BDNF: variants seen among roughly 807,000 people sequenced by gnomAD.
BDNF encodes the protein neurotrophic factor BDNF precursor form.
BDNF carries 1 observed loss-of-function variant against 19.5 expected under a neutral mutation model. That is an observed-to-expected ratio of 0.05 (90% confidence interval 0.02 to 0.24). BDNF has a LOEUF of 0.24. Ranked by LOEUF, BDNF falls within the 10% of genes least tolerant of loss-of-function variation. BDNF has a pLI of 1.00. For synonymous variants in BDNF, 100 were observed against 121.6 expected, an observed-to-expected ratio of 0.82 and a Z score of 1.17; for missense variants, 195 against 317.6, an observed-to-expected ratio of 0.61 and a Z score of 2.93.
At chr11:27,704,814 A>T (rs529955744), upstream of BDNF, among the ~76,000 whole-genome samples, 3 of 152,320 alleles carry the variant, frequency 2.0e-5, no homozygotes, top group East Asian at 5.8e-4. Flanking sequence ...TATTCATGAG[A>T]TGTTACGTTC....
At chr11:27,665,234 A>C (rs1015019161) in intron 1 of BDNF, 3 of 152,196 alleles carry the variant, frequency 2.0e-5, no homozygotes, top group African/African-American at 7.2e-5. Flanking sequence ...TTAATTAAGA[A>C]GATAATTTCC....
intron 1 of BDNF, chr11:27,660,120 G>T: frequency 2.1e-6 from 2 of 934,256 alleles, no homozygotes; most frequent in Non-Finnish European, 1.4e-6. Context: ...CTGTGTTTCT[G>T]CCCATGAAGT....
upstream of BDNF, among the ~76,000 whole-genome samples, chr11:27,701,909 A>C (rs977143752): frequency 2.6e-5 from 4 of 151,972 alleles, no homozygotes; most frequent in Non-Finnish European, 5.9e-5. Context: ...CTTTAACCAG[A>C]GTGGGGGTAG....
Position 27,658,267 on chromosome 11 carries a change from C to A in BDNF, c.298G>T (p.Val100Leu). Residue 100 changes from valine to leucine, a missense_variant, in exon 2 of 2, where the codon GTG becomes TTG. Transcript: ENST00000356660. This position sits in a 1 kb window ranked among gnomAD's most constrained non-coding sequence, Gnocchi z 5.7. ...YTSRVMLSSQ[V>L]PLEPPLLFLL... ...AAGAGAAGAGGAGGCTCCAAAGGCA[C>A]TTGACTACTGAGCATCACCCTGGAC... The A allele has an allele frequency of 6.2e-7, 1 of 1,614,070 alleles. No individual in the cohort carries two copies. Among genetic ancestry groups the A allele is most frequent in the Non-Finnish European group, 8.5e-7 (1 of 1,180,040 alleles).
intron 1 of BDNF, among the ~76,000 whole-genome samples, chr11:27,664,332 T>A (rs1853954895): frequency 6.6e-6 from 1 of 152,128 alleles, no homozygotes; most frequent in Admixed American, 6.5e-5. Context: ...TGAAGTCTAC[T>A]TTCCAGTCTT....
chr11:27,673,993 A>C, intron 1 of BDNF: 4 of 1,461,428 alleles, frequency 2.7e-6, no homozygotes, highest in Non-Finnish European at 3.6e-6. Context: ...TTTTCAAACT[A>C]TTATCAAGAA....
chr11:27,701,606 C>T, upstream of BDNF: 2 of 986,758 alleles, frequency 2.0e-6, no homozygotes, highest in African/African-American at 1.7e-5. Context: ...CGAGAGCAGC[C>T]CTCTCCGCGG....
At chr11:27,668,663 G>T (rs1037496600) in intron 1 of BDNF, among the ~76,000 whole-genome samples, 1 of 152,084 alleles carries the variant, frequency 6.6e-6, no homozygotes, top group South Asian at 2.1e-4. Context: ...AAACCTAAAA[G>T]AAATTTATAA....
upstream of BDNF, chr11:27,700,488 T>A (rs1174825562): frequency 3.1e-6 from 3 of 980,864 alleles, no homozygotes; most frequent in Non-Finnish European, 3.6e-6. Context: ...TATTTAGCTC[T>A]TCGGTTGAGC....
At chr11:27,669,832 C>G (rs1463710852) in intron 1 of BDNF, among the ~76,000 whole-genome samples, 8 of 152,018 alleles carry the variant, frequency 5.3e-5, no homozygotes, top group Admixed American at 3.3e-4. Flanking sequence ...GCCATACTAC[C>G]CAAGGTAATT....
intron 1 of BDNF, among the ~76,000 whole-genome samples, chr11:27,712,486 T>C (rs2134106652): frequency 6.6e-6 from 1 of 152,162 alleles, no homozygotes; most frequent in Middle Eastern, 3.4e-3. Context: ...TGGCTTCCTT[T>C]GTAATCTTAT....
chr11:27,678,004 A>G (rs1435621471), intron 1 of BDNF, among the ~76,000 whole-genome samples: 1 of 152,152 alleles, frequency 6.6e-6, no homozygotes, highest in African/African-American at 2.4e-5. Context: ...TTGGGTATAG[A>G]GAATAGTCCC....
In BDNF at chr11:27,657,525, AATTT is replaced by A. The variant is rs1244648081; in HGVS notation, c.*292_*295del. 2 of 1,149,104 alleles carry A rather than the reference AATTT, an allele frequency of 1.7e-6. No homozygotes were observed. Among genetic ancestry groups the A allele is most frequent in the South Asian group, 2.6e-5 (1 of 38,522 alleles). 71.2% of individuals were successfully genotyped at this position (1,149,104 alleles called of 1,614,324 possible). On this transcript the variant is annotated 3_prime_UTR_variant, in exon 2 of 2. Coordinates refer to ENST00000356660, the MANE Select transcript of BDNF (RefSeq NM_001709.5). This position sits in a 1 kb window ranked among gnomAD's most constrained non-coding sequence, Gnocchi z 5.0. ...TCAATTCACAATTAAAGCAGCATGC[AATTT>A]ATTATTTTTTTTAACTTTTTATGTT...
upstream of BDNF, chr11:27,701,738 T>C: frequency 4.3e-6 from 2 of 465,858 alleles, no homozygotes; most frequent in Non-Finnish European, 5.6e-6. Context: ...AGAATCAAAA[T>C]TCAGCGCATT....
At chr11:27,712,678 G>A (rs1456850840) in intron 1 of BDNF, among the ~76,000 whole-genome samples, 4 of 151,766 alleles carry the variant, frequency 2.6e-5, no homozygotes, top group South Asian at 2.1e-4. Context: ...ACCACGCCCA[G>A]CTAATTTTTT....
chr11:27,720,492 T>C (rs1860706173), intron 1 of BDNF: 4 of 985,792 alleles, frequency 4.1e-6, no homozygotes, highest in South Asian at 9.4e-5. Flanking sequence ...GCGAGCTCAA[T>C]GAGGGGACCA....
chr11:27,679,242 C>A (rs980074002), intron 1 of BDNF, among the ~76,000 whole-genome samples: 2 of 152,088 alleles, frequency 1.3e-5, no homozygotes, highest in African/African-American at 4.8e-5. Flanking sequence ...ATATAATGTC[C>A]TCTCACTTCT....
At chr11:27,673,924 C>A in intron 1 of BDNF, 1 of 1,040,036 alleles carries the variant, frequency 9.6e-7, no homozygotes, top group Non-Finnish European at 1.3e-6. Context: ...GAGATGAAAA[C>A]AGGTGATGGA....
intron 1 of BDNF, among the ~76,000 whole-genome samples, chr11:27,694,899 G>A (rs1428857024): frequency 2.6e-5 from 4 of 152,076 alleles, no homozygotes; most frequent in South Asian, 2.1e-4. Context: ...TCAATGGTTC[G>A]GTTTGGTACA....
Sources: gnomAD v4.1 joint callset for allele counts (sites outside exome capture counted in the v4.1 genomes callset) on GRCh38, gnomAD v4.1.1 for gene constraint, Gnocchi (gnomAD v3.1) non-coding constraint, MANE v1.5 for transcripts, NCBI Gene and HGNC (gene_info 2026-07-23, HGNC 2026-07-21) for gene names.